LGSN: variants seen among roughly 807,000 people sequenced by gnomAD.
The protein encoded by LGSN is lengsin.
A neutral mutation model predicts 19.5 loss-of-function variants in LGSN; 21 were observed. The ratio of observed to expected loss-of-function variants is 1.07; its 90% CI spans 0.76 to 1.55. The LOEUF (loss-of-function observed/expected upper bound fraction) is 1.55. LGSN is among the 40% of genes most tolerant of loss of function. The probability of loss-of-function intolerance (pLI) is 0.00; values close to 1 mark genes in which losing one functional copy is unlikely to be tolerated. For synonymous variants in LGSN, 257 were observed against 215.6 expected (o/e 1.19, Z -1.68); for missense variants, 673 against 608.5 (o/e 1.11, Z -1.12).
At chr6:63,290,887 A>T (rs1416785887) in intron 2 of LGSN, among the ~76,000 whole-genome samples, 2 of 152,062 alleles carry the variant, frequency 1.3e-5, no homozygotes, top group Non-Finnish European at 2.9e-5. Flanking sequence ...ACCACTCCCT[A>T]TGTTCTTACA....
chr6:63,453,685 G>C, the LGSN span, among the ~76,000 whole-genome samples: 3 of 151,632 alleles, frequency 2.0e-5, no homozygotes, highest in African/African-American at 7.3e-5. Flanking sequence ...ACAGAGTCTC[G>C]CTCTGTTGCC....
the LGSN span, among the ~76,000 whole-genome samples, chr6:63,455,259 C>T: frequency 6.6e-6 from 1 of 152,228 alleles, no homozygotes; most frequent in Non-Finnish European, 1.5e-5. Flanking sequence ...TTCACTCTCC[C>T]TATCCTCCCA....
the LGSN span, among the ~76,000 whole-genome samples, chr6:63,567,076 T>C: frequency 9.9e-5 from 15 of 152,198 alleles, no homozygotes; most frequent in African/African-American, 3.6e-4. Flanking sequence ...CTTGCTATTT[T>C]CACCATATTT....
intron 2 of LGSN, among the ~76,000 whole-genome samples, chr6:63,287,141 A>C (rs1451340228): frequency 1.3e-5 from 2 of 151,940 alleles, no homozygotes; most frequent in East Asian, 3.8e-4. Flanking sequence ...TTTAAGTATG[A>C]AGCATGGGAA....
At chr6:63,509,210 G>A in the LGSN span, among the ~76,000 whole-genome samples, 2 of 151,638 alleles carry the variant, frequency 1.3e-5, no homozygotes, top group African/African-American at 2.4e-5. Flanking sequence ...GATTACAGGC[G>A]CACACCACCA....
chr6:63,532,943 T>C, the LGSN span, among the ~76,000 whole-genome samples: 1 of 152,340 alleles, frequency 6.6e-6, no homozygotes, highest in East Asian at 1.9e-4. Context: ...ACATACCCGA[T>C]GTGAGCCTTC....
the LGSN span, among the ~76,000 whole-genome samples, chr6:63,510,075 T>C: frequency 1.6e-3 from 241 of 152,358 alleles, 1 homozygote; most frequent in Non-Finnish European, 2.5e-3. Context: ...AAGTTTATTT[T>C]TGAATTTTTT....
At chr6:63,419,973 A>AGGCAGGC in the LGSN span, among the ~76,000 whole-genome samples, 3 of 131,948 alleles carry the variant, frequency 2.3e-5, no homozygotes, top group African/African-American at 8.2e-5. Context: ...TGGGAGGCTG[A>AGGCAGGC]GGCAGGCGGA....
At chr6:63,523,797 T>C in the LGSN span, among the ~76,000 whole-genome samples, 1 of 152,246 alleles carries the variant, frequency 6.6e-6, no homozygotes, top group Admixed American at 6.5e-5. Flanking sequence ...AGACAATTCT[T>C]CTTTCAGTGG....
chr6:63,336,846 C>T, the LGSN span, among the ~76,000 whole-genome samples: 4 of 151,872 alleles, frequency 2.6e-5, no homozygotes, highest in South Asian at 2.1e-4. Context: ...GCAACAGTAC[C>T]GCCTCAGCCT....
chr6:63,433,117 T>A, the LGSN span, among the ~76,000 whole-genome samples: 1 of 151,722 alleles, frequency 6.6e-6, no homozygotes, highest in Middle Eastern at 3.2e-3. Context: ...AACACCCCCA[T>A]GTATAAGCCT....
At chr6:63,485,859 G>T in the LGSN span, among the ~76,000 whole-genome samples, 1 of 152,104 alleles carries the variant, frequency 6.6e-6, no homozygotes, top group Non-Finnish European at 1.5e-5. Flanking sequence ...CTCCTGAGTA[G>T]CTGGGACTAT....
At position 63,292,737 on chromosome 6, in the gene LGSN, G is replaced by A. The variant is rs116589511; in HGVS notation, c.163+2176C>T. On this transcript the variant is annotated intron_variant, in intron 2 of 3. Transcript: ENST00000370657. ...AGGACAAGTGAACATTCTGTGCTTA[G>A]AACTTGCCTGGACTGCCCATGGCTG... Among the ~76,000 whole-genome samples, 1,141 of 152,322 alleles carry A rather than the reference G, an allele frequency of 7.5e-3. 8 individuals are homozygous for A. Among genetic ancestry groups the A allele is most frequent in the Non-Finnish European group, 0.013 (878 of 68,024 alleles).
chr6:63,384,183 G>T, the LGSN span, among the ~76,000 whole-genome samples: 1 of 152,160 alleles, frequency 6.6e-6, no homozygotes, highest in Non-Finnish European at 1.5e-5. Flanking sequence ...GAAGGGCCCT[G>T]ATTTCATTTG....
chr6:63,419,252 C>A, the LGSN span, among the ~76,000 whole-genome samples: 10 of 152,104 alleles, frequency 6.6e-5, no homozygotes, highest in South Asian at 2.1e-3. Flanking sequence ...TTTTAGTTGT[C>A]ATTAGTGTGA....
At chr6:63,572,524 C>A in the LGSN span, 1 of 390,952 alleles carries the variant, frequency 2.6e-6, no homozygotes, top group African/African-American at 2.1e-5. Context: ...GCCGGCTCGG[C>A]TACGCGCTCT....
At chr6:63,420,202 CAAA>C in the LGSN span, among the ~76,000 whole-genome samples, 3 of 106,490 alleles carry the variant, frequency 2.8e-5, no homozygotes, top group Admixed American at 1.0e-4. Context: ...GACTGCGTCT[CAAA>C]AAAAAAAAAA....
chr6:63,399,454 G>T, the LGSN span, among the ~76,000 whole-genome samples: 2 of 151,162 alleles, frequency 1.3e-5, no homozygotes, highest in Non-Finnish European at 2.9e-5. Context: ...GAGTGCAGTG[G>T]CATGATCTTG....
At chr6:63,476,948 T>C in the LGSN span, among the ~76,000 whole-genome samples, 2 of 152,240 alleles carry the variant, frequency 1.3e-5, no homozygotes, top group African/African-American at 4.8e-5. Flanking sequence ...CCATCTAAAT[T>C]TGGAAATAAG....
Sources: gnomAD v4.1 joint callset for allele counts (sites outside exome capture counted in the v4.1 genomes callset) on GRCh38, gnomAD v4.1.1 for gene constraint, MANE v1.5 for transcripts, NCBI Gene and HGNC (gene_info 2026-07-23, HGNC 2026-07-21) for gene names.